The following MYO7B variants were observed in gnomAD, a reference collection of about 807,000 sequenced individuals.
The protein encoded by MYO7B is myosin VIIB, also known as unconventional myosin-VIIb.
MYO7B carries 212 observed loss-of-function variants against 259.7 expected under a neutral mutation model. The ratio of observed to expected loss-of-function variants is 0.82; its 90% CI spans 0.73 to 0.91. MYO7B has a LOEUF of 0.91. Ranked by LOEUF, MYO7B falls within the 40% of genes least tolerant of loss-of-function variation. The probability of loss-of-function intolerance (pLI) is 0.00; values close to 1 mark genes in which losing one functional copy is unlikely to be tolerated. For synonymous variants in MYO7B, 1,197 were observed against 1,166.4 expected, an observed-to-expected ratio of 1.03 and a Z score of -0.54; for missense variants, 2,732 against 2,813.5, an observed-to-expected ratio of 0.97 and a Z score of 0.66.
At chr2:127,617,205 C>T (rs956919927) in intron 26 of MYO7B, among the ~76,000 whole-genome samples, 10 of 152,268 alleles carry the variant, frequency 6.6e-5, no homozygotes, top group African/African-American at 1.4e-4. Flanking sequence ...AGCTAAAGTT[C>T]GCCTTTCTGT....
chr2:127,582,418 T>C lies in MYO7B; in HGVS notation c.1315T>C (p.Phe439Leu). 2 of 1,613,268 alleles carry C rather than the reference T, an allele frequency of 1.2e-6. No homozygotes were observed. The highest frequency in any genetic ancestry group is 1.7e-6 in the Non-Finnish European group (2 of 1,179,684). ...GAGGGCCATCGGCCTCCTGGACATA[T>C]TTGGCTTTGAAAATTTCGAGAACAA... is the stretch of plus-strand genomic sequence containing the variant. ...VRRAIGLLDI[F>L]GFENFENNSF... The change falls in exon 12 of 48, where the codon TTT (phenylalanine) becomes CTT (leucine). Residue 439 changes from phenylalanine to leucine, a missense_variant. Transcript: ENST00000409816.
intron 1 of MYO7B, among the ~76,000 whole-genome samples, chr2:127,537,709 G>GGAGGA (rs1455772635): frequency 2.6e-5 from 4 of 151,268 alleles, no homozygotes; most frequent in South Asian, 2.1e-4. Context: ...GAGGAGGAGG[G>GGAGGA]GGAGGAGAAG....
At chr2:127,579,747 TG>T (rs1285755432) in intron 9 of MYO7B, among the ~76,000 whole-genome samples, 1 of 152,110 alleles carries the variant, frequency 6.6e-6, no homozygotes, top group African/African-American at 2.4e-5. Flanking sequence ...CACCACAGCC[TG>T]GCTAATTTTG....
chr2:127,575,903 A>G (rs1678847922), intron 7 of MYO7B, among the ~76,000 whole-genome samples: 1 of 152,186 alleles, frequency 6.6e-6, no homozygotes, highest in East Asian at 1.9e-4. Flanking sequence ...ATTACAGCCC[A>G]ACTGAGACTC....
chr2:127,632,189 C>G (rs1020997748), intron 38 of MYO7B, 57 bp from the exon 39 acceptor site: 2 of 1,558,670 alleles, frequency 1.3e-6, no homozygotes, highest in African/African-American at 1.4e-5. Context: ...CCCAAGGTGC[C>G]TGCCTGGCCA....
chr2:127,606,034 G>T (rs190541095), intron 20 of MYO7B, 106 bp downstream of exon 20: 6 of 877,424 alleles, frequency 6.8e-6, no homozygotes, highest in East Asian at 2.7e-5. Flanking sequence ...CCTCAGGCAG[G>T]AAGGATCAAA....
chr2:127,578,654 A>G lies in MYO7B; in HGVS notation c.1003+368A>G, dbSNP rs377650085. Among the ~76,000 whole-genome samples, 13 of 152,242 alleles carry G rather than the reference A, an allele frequency of 8.5e-5. No individual in the cohort carries two copies. In the East Asian group the frequency reaches 2.3e-3, roughly 27 times the overall value. On this transcript the variant is annotated intron_variant, in intron 9 of 47. Transcript: ENST00000409816. Reference sequence around the variant, plus strand: ...GTTGTCCTGACCTGTGAACACCCCCAAGCACCTAACGGCAGTTATTGACAG... The same window carrying G: ...GTTGTCCTGACCTGTGAACACCCCCGAGCACCTAACGGCAGTTATTGACAG...
In MYO7B at chr2:127,585,258, C is replaced by T. The variant is rs551265275; in HGVS notation, c.1690+345C>T. ...CCCTCATGAGCAACCACTCCCATTTCCCCCCAGCCCTGGGCAACAATTAAT... is the reference window on the plus strand; with the variant it reads ...CCCTCATGAGCAACCACTCCCATTTTCCCCCAGCCCTGGGCAACAATTAAT... On this transcript the variant is annotated intron_variant, in intron 14 of 47. Transcript: ENST00000409816. This position sits in a 1 kb window ranked among gnomAD's most constrained non-coding sequence, Gnocchi z 4.3. 6.6e-6 allele frequency among the ~76,000 whole-genome samples: 1 copy of T among 152,144 alleles called. No individual in the cohort carries two copies. The highest frequency in any genetic ancestry group is 2.4e-5 in the African/African-American group (1 of 41,424).
At chr2:127,562,914 T>C (rs74688280) in intron 2 of MYO7B, among the ~76,000 whole-genome samples, 3,077 of 152,334 alleles carry the variant, frequency 0.02, 100 homozygotes, top group African/African-American at 0.067. Flanking sequence ...CAGCCCCTAA[T>C]TCTAATTTTT....
Position 127,607,447 on chromosome 2 carries a change from G to A in MYO7B, c.2643+23G>A. ...AATGTAGGTGGTCACCTGGCCTCTTGGGCAGGTGGGGCTGGCTGGGGCCCC... is the reference window on the plus strand; with the variant it reads ...AATGTAGGTGGTCACCTGGCCTCTTAGGCAGGTGGGGCTGGCTGGGGCCCC... On this transcript the variant is annotated intron_variant, in intron 21 of 47. Coordinates refer to ENST00000409816, the MANE Select transcript of MYO7B (RefSeq NM_001393586.1). This position sits in a 1 kb window ranked among gnomAD's most constrained non-coding sequence, Gnocchi z 4.4. The A allele has an allele frequency of 6.5e-6, 10 of 1,547,904 alleles. No homozygotes were observed. Among genetic ancestry groups the A allele is most frequent in the Non-Finnish European group, 8.7e-6 (10 of 1,145,214 alleles).
Position 127,605,926 on chromosome 2 carries a change from C to G in MYO7B, c.2422C>G (p.Leu808Val). The G allele has an allele frequency of 1.2e-6, 2 of 1,606,936 alleles. No individual in the cohort carries two copies. Among genetic ancestry groups the G allele is most frequent in the Non-Finnish European group, 1.7e-6 (2 of 1,178,486 alleles). Reference protein sequence around the residue: ...RGYCNRRNFKLILVGFERLQA... With the variant: ...RGYCNRRNFKVILVGFERLQA... ...CTACTGCAACAGGAGGAATTTCAAGCTGGTGAGAGAGCTCTCTGGGGCGGC... is the reference window on the plus strand; with the variant it reads ...CTACTGCAACAGGAGGAATTTCAAGGTGGTGAGAGAGCTCTCTGGGGCGGC... Residue 808 changes from leucine (L) to valine (V), a missense_variant and splice_region_variant, in exon 20 of 48, where the codon CTG becomes GTG. Physicochemically the swap from Leu to Val is conservative, Grantham distance 32. This residue lies in a region of MYO7B where 1,906 missense variants were observed against 2,026.4 expected (regional missense o/e 0.94). Transcript: ENST00000409816.
Position 127,584,723 on chromosome 2 carries a change from C to T in MYO7B, c.1555-55C>T. 1 of 1,599,400 alleles carries T rather than the reference C, an allele frequency of 6.3e-7. No homozygotes were observed. ...CCATGAGGAAGTCCCTGAGCCTCAC[C>T]TCCCCATGGCTGGACTCTGGGACCT... On this transcript the variant is annotated intron_variant, in intron 13 of 47. Coordinates refer to ENST00000409816, the MANE Select transcript of MYO7B (RefSeq NM_001393586.1). The surrounding 1 kb of genome is among the most constrained non-coding windows in gnomAD (Gnocchi z 5.8).
At chr2:127,622,798 C>T (rs948463963) in intron 28 of MYO7B, among the ~76,000 whole-genome samples, 1 of 152,208 alleles carries the variant, frequency 6.6e-6, no homozygotes, top group Non-Finnish European at 1.5e-5. Flanking sequence ...GGGAACAATA[C>T]GTAAAGGCCC....
At chr2:127,602,762 GC>G (rs1330826476) in intron 19 of MYO7B, among the ~76,000 whole-genome samples, 2 of 152,156 alleles carry the variant, frequency 1.3e-5, no homozygotes, top group African/African-American at 4.8e-5. Flanking sequence ...ACTGTGACCG[GC>G]TGAGGCAGGT....
In MYO7B at chr2:127,632,148, C is replaced by A. The variant is rs1038118237; in HGVS notation, c.5250-98C>A. The A allele has an allele frequency of 3.0e-5, 42 of 1,413,514 alleles. No individual in the cohort carries two copies. In the East Asian group the frequency reaches 9.3e-4, roughly 31 times the overall value. The allele number at this position is 1,413,514 out of a possible 1,614,324, so 87.6% of individuals were successfully genotyped here. Reference sequence around the variant, plus strand: ...TGCCCTCCCCCTCGGGCCCTCTAGACCCCAGGCAGCTCTCACATCCGTCCC... The same window carrying A: ...TGCCCTCCCCCTCGGGCCCTCTAGAACCCAGGCAGCTCTCACATCCGTCCC... On this transcript the variant is annotated intron_variant, in intron 38 of 47. Transcript: ENST00000409816.
chr2:127,545,634 G>A (rs1693200115), intron 1 of MYO7B, among the ~76,000 whole-genome samples: 1 of 152,236 alleles, frequency 6.6e-6, no homozygotes, highest in South Asian at 2.1e-4. Context: ...TGGCCTGGTG[G>A]ATGGGTGCAC....
intron 7 of MYO7B, among the ~76,000 whole-genome samples, chr2:127,574,438 G>A (rs1678780131): frequency 6.6e-6 from 1 of 152,240 alleles, no homozygotes; most frequent in African/African-American, 2.4e-5. Context: ...TACTTGGGAA[G>A]CTGAGGCATG....
intron 18 of MYO7B, among the ~76,000 whole-genome samples, chr2:127,596,045 T>C (rs1429625614): frequency 6.6e-6 from 1 of 152,214 alleles, no homozygotes; most frequent in Admixed American, 6.5e-5. Flanking sequence ...CTGTCTAATA[T>C]TGACAGTGAG....
At chr2:127,635,579 TG>T in intron 43 of MYO7B, 142 bp from the exon 44 acceptor site, 1 of 891,374 alleles carries the variant, frequency 1.1e-6, no homozygotes, top group Non-Finnish European at 1.7e-6. Flanking sequence ...GTCATTCCCC[TG>T]GCCTGAAACT....
Sources: allele counts gnomAD v4.1 joint callset (sites outside exome capture counted in the v4.1 genomes callset), GRCh38; gene constraint gnomAD v4.1.1; regional missense constraint gnomAD v4.1.1; non-coding constraint Gnocchi (gnomAD v3.1); transcripts MANE v1.5; gene names NCBI Gene and HGNC (gene_info 2026-07-23, HGNC 2026-07-21).